KLF3: variants seen among roughly 807,000 people sequenced by gnomAD.
KLF3 encodes the protein Krueppel-like factor 3.
KLF3 carries 6 observed loss-of-function variants against 32.7 expected under a neutral mutation model. That is an observed-to-expected ratio of 0.18 (90% CI 0.10 to 0.36). The LOEUF is 0.36. Ranked by LOEUF, KLF3 falls within the 10% of genes least tolerant of loss-of-function variation. The probability of loss-of-function intolerance (pLI) is 1.00; values close to 1 mark genes in which losing one functional copy is unlikely to be tolerated. For synonymous variants in KLF3, 145 were observed against 172.8 expected (o/e 0.84, Z 1.26); for missense variants, 338 against 449.7 (o/e 0.75, Z 2.25).
At position 38,688,427 on chromosome 4, in the gene KLF3, T is replaced by C. The variant is rs1166786188; in HGVS notation, c.58-158T>C. ...ATTTTTAATGTTGAGACCACCTCTT[T>C]GAGCATTTTTTTAAGGTCACATATA... On this transcript the variant is annotated intron_variant, in intron 2 of 5. Transcript: ENST00000261438. The surrounding 1 kb of genome is among the most constrained non-coding windows in gnomAD (Gnocchi z 4.9). Among the ~76,000 whole-genome samples, 1 of 152,222 alleles carries C rather than the reference T, an allele frequency of 6.6e-6. No individual in the cohort carries two copies. Among genetic ancestry groups the C allele is most frequent in the Non-Finnish European group, 1.5e-5 (1 of 68,036 alleles).
At chr4:38,681,359 A>G (rs915778652) in intron 2 of KLF3, among the ~76,000 whole-genome samples, 3 of 152,242 alleles carry the variant, frequency 2.0e-5, no homozygotes, top group Non-Finnish European at 4.4e-5. Context: ...CAACAGCCAT[A>G]TGGAGCTGTA....
chr4:38,694,707 G>A (rs369959989), intron 4 of KLF3, 39 bp from the exon 5 acceptor site: 18 of 1,507,800 alleles, frequency 1.2e-5, no homozygotes, highest in South Asian at 2.7e-5. Context: ...AAGGAAGAGC[G>A]TGCTCTCAAC....
At chr4:38,676,512 C>T (rs925925125) in intron 1 of KLF3, among the ~76,000 whole-genome samples, 3 of 152,074 alleles carry the variant, frequency 2.0e-5, no homozygotes, top group Non-Finnish European at 4.4e-5. Flanking sequence ...TCCCACCCAC[C>T]GCCACTCCCA....
intron 1 of KLF3, among the ~76,000 whole-genome samples, chr4:38,676,250 A>T (rs956314768): frequency 1.3e-5 from 2 of 152,004 alleles, no homozygotes; most frequent in African/African-American, 4.8e-5. Context: ...AGACCAGCCT[A>T]GCCAACATGG....
At chr4:38,687,117 G>A (rs1167953648) in intron 2 of KLF3, among the ~76,000 whole-genome samples, 3 of 152,154 alleles carry the variant, frequency 2.0e-5, no homozygotes, top group African/African-American at 7.2e-5. Flanking sequence ...GGGTTTTCTT[G>A]GTTGCATCCC....
chr4:38,697,380 G>T lies in KLF3; in HGVS notation c.*117G>T. On this transcript the variant is annotated 3_prime_UTR_variant, in exon 6 of 6. Coordinates refer to ENST00000261438, the MANE Select transcript of KLF3 (RefSeq NM_016531.6). ...CATTTTAATTTGATTCAGCTGGTCT[G>T]AATCTCTGAATTTATATCATCCAAA... 1 of 966,216 alleles carries T rather than the reference G, an allele frequency of 1.0e-6. No homozygotes were observed. The highest frequency in any genetic ancestry group is 2.5e-5 in the East Asian group (1 of 39,376). The allele number at this position is 966,216 out of a possible 1,614,324, so 59.9% of individuals were successfully genotyped here. A position where few individuals can be genotyped will look rare whatever the true frequency, so the allele number is the denominator to read the frequency against.
At position 38,688,532 on chromosome 4, in the gene KLF3, A is replaced by G; in HGVS notation, c.58-53A>G. On this transcript the variant is annotated intron_variant, in intron 2 of 5. Transcript: ENST00000261438. The surrounding 1 kb of genome is among the most constrained non-coding windows in gnomAD (Gnocchi z 4.9). The stretch of plus-strand genomic sequence containing the variant: ...GCATATTTTTCTTAATTCATGTTTC[A>G]AGTAAATGGACTTATTTGGCTGTTG... 16 of 1,512,592 alleles carry G rather than the reference A, an allele frequency of 1.1e-5. No individual in the cohort carries two copies. Among genetic ancestry groups the G allele is most frequent in the Non-Finnish European group, 1.4e-5 (16 of 1,127,120 alleles). 93.7% of individuals were successfully genotyped at this position (1,512,592 alleles called of 1,614,324 possible). A position where few individuals can be genotyped will look rare whatever the true frequency, so the allele number is the denominator to read the frequency against.
intron 4 of KLF3, among the ~76,000 whole-genome samples, chr4:38,691,706 C>T (rs1722883199): frequency 6.6e-6 from 1 of 152,178 alleles, no homozygotes; most frequent in Non-Finnish European, 1.5e-5. Flanking sequence ...TATTTTAATG[C>T]TGACCTAAGA....
At chr4:38,666,387 T>G (rs1722041872) in intron 1 of KLF3, among the ~76,000 whole-genome samples, 1 of 151,864 alleles carries the variant, frequency 6.6e-6, no homozygotes, top group Non-Finnish European at 1.5e-5. Flanking sequence ...CCTTTTTTTT[T>G]CTTTTTTTTT....
In KLF3 at chr4:38,688,373, T is replaced by G. The variant is rs1192710772; in HGVS notation, c.58-212T>G. 1.3e-5 allele frequency among the ~76,000 whole-genome samples: 2 copies of G among 152,192 alleles called. No homozygotes were observed. Among genetic ancestry groups the G allele is most frequent in the Non-Finnish European group, 2.9e-5 (2 of 68,028 alleles). ...AGTAGTGACCACATTGATCTTAGTT[T>G]TAATATTTTTGAGACCGCCTCTCAT... is the stretch of plus-strand genomic sequence containing the variant. On this transcript the variant is annotated intron_variant, in intron 2 of 5. Transcript: ENST00000261438. The surrounding 1 kb of genome is among the most constrained non-coding windows in gnomAD (Gnocchi z 4.9).
chr4:38,666,836 C>T (rs1722058337), intron 1 of KLF3, among the ~76,000 whole-genome samples: 1 of 152,166 alleles, frequency 6.6e-6, no homozygotes, highest in Admixed American at 6.5e-5. Context: ...TGTGGGGTAC[C>T]CCAATTGTAA....
In KLF3 at chr4:38,697,558, A is replaced by G; in HGVS notation, c.*295A>G. 3.5e-6 allele frequency: 1 copy of G among 287,440 alleles called. No homozygotes were observed. The highest frequency in any genetic ancestry group is 6.5e-6 in the Non-Finnish European group (1 of 154,238). The allele number at this position is 287,440 out of a possible 1,614,324, so 17.8% of individuals were successfully genotyped here. A position where few individuals can be genotyped will look rare whatever the true frequency, so the allele number is the denominator to read the frequency against. On this transcript the variant is annotated 3_prime_UTR_variant, in exon 6 of 6. Transcript: ENST00000261438. ...TTTAATGTAATAAGAACAAGGGAAC[A>G]TGTAAACTAACATAACCAATTGTCA...
At chr4:38,677,218 C>A (rs1722382503) in intron 1 of KLF3, among the ~76,000 whole-genome samples, 1 of 152,092 alleles carries the variant, frequency 6.6e-6, no homozygotes, top group African/African-American at 2.4e-5. Context: ...GCCTCGGCCT[C>A]CCAAAGTGCT....
At chr4:38,676,956 G>GTTTTTTTTTTTTTT (rs34392158) in intron 1 of KLF3, among the ~76,000 whole-genome samples, 1 of 105,532 alleles carries the variant, frequency 9.5e-6, no homozygotes, top group African/African-American at 3.9e-5. Context: ...GTGCCAGTGT[G>GTTTTTTTTTTTTTT]TTTTTTTTTT....
chr4:38,665,763 A>G (rs1722014815), intron 1 of KLF3, among the ~76,000 whole-genome samples: 1 of 152,252 alleles, frequency 6.6e-6, no homozygotes, highest in Non-Finnish European at 1.5e-5. Flanking sequence ...CCAGTTGTTC[A>G]TTATAGGTTT....
At position 38,688,550 on chromosome 4, in the gene KLF3, G is replaced by T; in HGVS notation, c.58-35G>T. 2 of 1,537,334 alleles carry T rather than the reference G, an allele frequency of 1.3e-6. No individual in the cohort carries two copies. The highest frequency in any genetic ancestry group is 1.8e-6 in the Non-Finnish European group (2 of 1,140,392). ...ATGTTTCAAGTAAATGGACTTATTT[G>T]GCTGTTGACACGTTTTCCTTTTCTT... On this transcript the variant is annotated intron_variant, in intron 2 of 5. Coordinates refer to ENST00000261438, the MANE Select transcript of KLF3 (RefSeq NM_016531.6). This position sits in a 1 kb window ranked among gnomAD's most constrained non-coding sequence, Gnocchi z 4.9.
intron 1 of KLF3, among the ~76,000 whole-genome samples, chr4:38,673,549 A>G (rs1722260363): frequency 6.6e-6 from 1 of 152,098 alleles, no homozygotes; most frequent in African/African-American, 2.4e-5. Flanking sequence ...AAATTGTCAG[A>G]GAGCATAAAC....
At chr4:38,696,233 A>G (rs971933792) in intron 5 of KLF3, among the ~76,000 whole-genome samples, 1 of 150,532 alleles carries the variant, frequency 6.6e-6, no homozygotes, top group African/African-American at 2.4e-5. Context: ...TGTATTCTGT[A>G]CCAGGAAGCA....
rs1281989577 is a variant in KLF3 at position 38,688,289 on chromosome 4, C to T, written c.58-296C>T. ...CCTGTCTTAGAATTTTGCCAGGTAT[C>T]GGCCTTAATGTTTGACACAGGAATC... On this transcript the variant is annotated intron_variant, in intron 2 of 5. Coordinates refer to ENST00000261438, the MANE Select transcript of KLF3 (RefSeq NM_016531.6). The surrounding 1 kb of genome is among the most constrained non-coding windows in gnomAD (Gnocchi z 4.9). Among the ~76,000 whole-genome samples, 2 of 152,252 alleles carry T rather than the reference C, an allele frequency of 1.3e-5. No homozygotes were observed. Among genetic ancestry groups the T allele is most frequent in the East Asian group, 1.9e-4 (1 of 5,180 alleles).
Sources: allele counts gnomAD v4.1 joint callset (sites outside exome capture counted in the v4.1 genomes callset), GRCh38; gene constraint gnomAD v4.1.1; non-coding constraint Gnocchi (gnomAD v3.1); transcripts MANE v1.5; gene names NCBI Gene and HGNC (gene_info 2026-07-23, HGNC 2026-07-21).